The following RNMT variants were observed in gnomAD, a reference collection of about 807,000 sequenced individuals.
RNMT encodes mRNA cap guanine-N(7) methyltransferase.
RNMT carries 27 observed loss-of-function variants against 56.0 expected under a neutral mutation model. The observed-to-expected ratio is 0.48, with a 90% CI of 0.36 to 0.67. The LOEUF is 0.67. Among genes scored for constraint, RNMT ranks in the 30% least tolerant of loss-of-function variants. The pLI is 0.00. For missense variants in RNMT, 519 were observed against 552.1 expected (o/e 0.94, Z 0.60); for synonymous variants, 184 against 176.2 (o/e 1.04, Z -0.35).
At chr18:13,732,543 A>C (rs2044088061) in intron 3 of RNMT, among the ~76,000 whole-genome samples, 1 of 152,186 alleles carries the variant, frequency 6.6e-6, no homozygotes, top group South Asian at 2.1e-4. Flanking sequence ...AATATTTAGC[A>C]AAGATATTAT....
chr18:13,753,660 A>G (rs1367921158), intron 10 of RNMT, among the ~76,000 whole-genome samples: 1 of 150,524 alleles, frequency 6.6e-6, no homozygotes, highest in Non-Finnish European at 1.5e-5. Flanking sequence ...AGTCCCAGCT[A>G]CTCGGCAGGC....
intron 9 of RNMT, among the ~76,000 whole-genome samples, chr18:13,751,773 G>T (rs550701279): frequency 6.2e-4 from 94 of 152,306 alleles, no homozygotes; most frequent in African/African-American, 2.1e-3. Flanking sequence ...ATACACCATG[G>T]AATACTATGC....
rs1325236409 is a variant in RNMT at position 13,743,314 on chromosome 18, C to A, written c.1139+662C>A. Among the ~76,000 whole-genome samples the A allele has an allele frequency of 7.2e-5, 7 of 96,998 alleles. No homozygotes were observed. In the East Asian group the frequency reaches 1.8e-3, roughly 25 times the overall value. The allele number at this position is 96,998 out of a possible 152,430, so 63.6% of individuals were successfully genotyped here. Reference sequence around the variant, plus strand: ...CTCCAGCCTGGGCGACAGAGCGAAACTCCGTCTCAAAAAAAAAATAAATAA... The same window carrying A: ...CTCCAGCCTGGGCGACAGAGCGAAAATCCGTCTCAAAAAAAAAATAAATAA... On this transcript the variant is annotated intron_variant, in intron 8 of 11. Coordinates refer to ENST00000383314, the MANE Select transcript of RNMT (RefSeq NM_003799.3).
At chr18:13,749,947 A>C (rs2044413687) in intron 9 of RNMT, among the ~76,000 whole-genome samples, 1 of 151,916 alleles carries the variant, frequency 6.6e-6, no homozygotes, top group African/African-American at 2.4e-5. Context: ...TTACGTAGAG[A>C]CAGGATGTTG....
At chr18:13,734,284 G>A (rs150267571) in intron 3 of RNMT, among the ~76,000 whole-genome samples, 180 bp from the exon 4 acceptor site, 111 of 152,282 alleles carry the variant, frequency 7.3e-4, no homozygotes, top group African/African-American at 2.6e-3. Flanking sequence ...GATACACAGG[G>A]ACACAGAAAA....
At position 13,754,161 on chromosome 18, in the gene RNMT, C is replaced by T; in HGVS notation, c.1393+14C>T. The T allele has an allele frequency of 1.3e-6, 2 of 1,532,822 alleles. No homozygotes were observed. The highest frequency in any genetic ancestry group is 2.3e-5 in the South Asian group (2 of 87,872). 95.0% of individuals were successfully genotyped at this position (1,532,822 alleles called of 1,614,324 possible). On this transcript the variant is annotated intron_variant, in intron 11 of 11. Transcript: ENST00000383314. Reference sequence around the variant, plus strand: ...GGGAAGCTACAAGTGAGTATATCATCAGCATAGATTAACTGATAATTTCAA... The same window carrying T: ...GGGAAGCTACAAGTGAGTATATCATTAGCATAGATTAACTGATAATTTCAA...
At chr18:13,744,480 T>TA (rs890541119) in intron 8 of RNMT, among the ~76,000 whole-genome samples, 1 of 152,120 alleles carries the variant, frequency 6.6e-6, no homozygotes, top group Non-Finnish European at 1.5e-5. Context: ...CTGCCTGGAA[T>TA]AAAAAACTTG....
At position 13,755,598 on chromosome 18, in the gene RNMT, G is replaced by A. The variant is rs548817405; in HGVS notation, c.1393+1451G>A. Among the ~76,000 whole-genome samples, 56 of 152,274 alleles carry A rather than the reference G, an allele frequency of 3.7e-4. 1 individual carries two copies. Among genetic ancestry groups the A allele is most frequent in the Admixed American group, 3.6e-3 (55 of 15,294 alleles). Reference sequence around the variant, plus strand: ...GAGTTGGATAGAGAAGAAGAGGAAAGGAGTCAAGCAAGACCAGTATTTTGA... The same window carrying A: ...GAGTTGGATAGAGAAGAAGAGGAAAAGAGTCAAGCAAGACCAGTATTTTGA... On this transcript the variant is annotated intron_variant, in intron 11 of 11. Coordinates refer to ENST00000383314, the MANE Select transcript of RNMT (RefSeq NM_003799.3).
At chr18:13,757,222 C>T (rs1178644122) in intron 11 of RNMT, among the ~76,000 whole-genome samples, 2 of 152,072 alleles carry the variant, frequency 1.3e-5, no homozygotes, top group East Asian at 3.9e-4. Context: ...AGGGTCTTTC[C>T]TCCATGGCGG....
chr18:13,746,311 C>T lies in RNMT; in HGVS notation c.1231C>T (p.Leu411Phe), dbSNP rs2044351672. 6.4e-7 allele frequency: 1 copy of T among 1,560,684 alleles called. No individual in the cohort carries two copies. Among genetic ancestry groups the T allele is most frequent in the Non-Finnish European group, 8.7e-7 (1 of 1,145,438 alleles). ...EKIKNNENKM[L>F]LKRMQALEPY... ...GATTAAGAACAATGAAAATAAAATG[C>T]TCTTAAAACGAATGCAGGCCTTGGA... Residue 411 changes from leucine to phenylalanine, a missense_variant, in exon 9 of 12, where the codon CTC becomes TTC. Leu to Phe is a conservative substitution (Grantham distance 22). Coordinates refer to ENST00000383314, the MANE Select transcript of RNMT (RefSeq NM_003799.3).
At chr18:13,744,985 G>T (rs10502424) in intron 8 of RNMT, among the ~76,000 whole-genome samples, 16,065 of 152,246 alleles carry the variant, frequency 0.11, 929 homozygotes, top group South Asian at 0.15. Context: ...TTTGAGTCAG[G>T]ATCTAAAGGA....
chr18:13,742,447 A>G lies in RNMT; in HGVS notation c.975-41A>G, dbSNP rs1394206291. ...TCAAAATAAGTCTACACTAATCACA[A>G]TTTTAATCTTTTTATTTTGGTTGGG... On this transcript the variant is annotated intron_variant, in intron 7 of 11. Transcript: ENST00000383314. 6 of 1,593,472 alleles carry G rather than the reference A, an allele frequency of 3.8e-6. No homozygotes were observed. The African/African-American group carries it at 4.1e-5, about 11-fold the overall frequency.
At chr18:13,735,880 A>G (rs58333031) in intron 4 of RNMT, among the ~76,000 whole-genome samples, 1,739 of 152,104 alleles carry the variant, frequency 0.011, 36 homozygotes, top group African/African-American at 0.04. Context: ...TCCTAATACA[A>G]TCAGTGTGAT....
chr18:13,737,031 G>A lies in RNMT; in HGVS notation c.575G>A (p.Arg192Gln), dbSNP rs771908667. 7.4e-6 allele frequency: 12 copies of A among 1,613,206 alleles called. No homozygotes were observed. Among genetic ancestry groups the A allele is most frequent in the South Asian group, 3.3e-5 (3 of 90,952 alleles). Residue 192 changes from arginine (R) to glutamine (Q), a missense_variant, in exon 5 of 12, where the codon CGA (arginine) becomes CAA (glutamine). Transcript: ENST00000383314. Reference protein sequence around the residue: ...VLIGEFLEKVRQKKKRDITVL... With the variant: ...VLIGEFLEKVQQKKKRDITVL... ...TTAGGAGAATTTTTGGAAAAGGTAC[G>A]ACAGAAGAAAAAACGTGATATCACT...
intron 5 of RNMT, among the ~76,000 whole-genome samples, chr18:13,737,909 A>T (rs533265542): frequency 6.6e-4 from 100 of 151,778 alleles, no homozygotes; most frequent in African/African-American, 2.3e-3. Context: ...GAAAATCATA[A>T]TTTTTTTCAT....
rs12458065 is a variant in RNMT at position 13,762,025 on chromosome 18, G to T, written c.*2046G>T. On this transcript the variant is annotated 3_prime_UTR_variant, in exon 12 of 12. Coordinates refer to ENST00000383314, the MANE Select transcript of RNMT (RefSeq NM_003799.3). The stretch of plus-strand genomic sequence containing the variant: ...GACACACCTTGTCGTCTAAATGTTC[G>T]GTATTCTATTCAGGACTTACGGTAA... The T allele has an allele frequency of 6.5e-7, 1 of 1,535,954 alleles. No homozygotes were observed. Among genetic ancestry groups the T allele is most frequent in the East Asian group, 2.4e-5 (1 of 40,908 alleles).
chr18:13,740,703 A>C (rs2044238527), intron 6 of RNMT, among the ~76,000 whole-genome samples: 1 of 152,234 alleles, frequency 6.6e-6, no homozygotes, highest in African/African-American at 2.4e-5. Flanking sequence ...TTGAAACTTT[A>C]AAAATCTTGG....
At chr18:13,740,035 T>C (rs2044226899) in intron 5 of RNMT, 132 bp from the exon 6 acceptor site, 4 of 642,454 alleles carry the variant, frequency 6.2e-6, no homozygotes, top group South Asian at 1.8e-5. Context: ...CCTTTTCTTT[T>C]CTTTTAAAGG....
At chr18:13,747,125 A>T (rs2044364765) in intron 9 of RNMT, among the ~76,000 whole-genome samples, 1 of 152,196 alleles carries the variant, frequency 6.6e-6, no homozygotes, top group Non-Finnish European at 1.5e-5. Flanking sequence ...GAGTTTATTC[A>T]GTTTAAGTAC....
Sources: allele counts gnomAD v4.1 joint callset (sites outside exome capture counted in the v4.1 genomes callset), GRCh38; gene constraint gnomAD v4.1.1; transcripts MANE v1.5; gene names NCBI Gene and HGNC (gene_info 2026-07-23, HGNC 2026-07-21).